CALN1: variants seen among roughly 807,000 people sequenced by gnomAD.
CALN1 encodes calcium-binding protein 8.
Under a neutral mutation model 30.6 loss-of-function variants are expected in CALN1, and 17 were observed. The observed-to-expected ratio is 0.56, with a 90% confidence interval of 0.38 to 0.83. The LOEUF is 0.83. CALN1 is among the 40% of genes least tolerant of loss of function. CALN1 has a pLI of 0.00. For synonymous variants in CALN1, 156 were observed against 131.4 expected, an observed-to-expected ratio of 1.19 and a Z score of -1.28; for missense variants, 291 against 354.9, an observed-to-expected ratio of 0.82 and a Z score of 1.45.
At chr7:72,373,333 T>C (rs957907374) in intron 2 of CALN1, among the ~76,000 whole-genome samples, 6 of 152,096 alleles carry the variant, frequency 3.9e-5, no homozygotes, top group Non-Finnish European at 8.8e-5. Flanking sequence ...GCAGAAAAAA[T>C]ATTTTAAGAC....
intron 5 of CALN1, among the ~76,000 whole-genome samples, chr7:71,992,788 T>A (rs546278199): frequency 6.6e-6 from 1 of 152,326 alleles, no homozygotes; most frequent in East Asian, 1.9e-4. Flanking sequence ...AGCCGAAATA[T>A]CGTTATTAAA....
At chr7:72,294,750 TAATA>T (rs58274123) in intron 2 of CALN1, among the ~76,000 whole-genome samples, 41,991 of 147,904 alleles carry the variant, frequency 0.28, 6,972 homozygotes, top group Non-Finnish European at 0.37. Context: ...TCTAAAAAAG[TAATA>T]AATAAATAAA....
chr7:72,006,731 G>C (rs974588999), intron 5 of CALN1, among the ~76,000 whole-genome samples: 4 of 152,248 alleles, frequency 2.6e-5, no homozygotes, highest in African/African-American at 9.6e-5. Flanking sequence ...TGGTAATCAT[G>C]GATGCATAAT....
chr7:72,069,495 C>A (rs527879987), intron 4 of CALN1, among the ~76,000 whole-genome samples: 1 of 148,738 alleles, frequency 6.7e-6, no homozygotes, highest in African/African-American at 2.4e-5. Flanking sequence ...TTGCCTCTTC[C>A]AGCTTGTGGT....
chr7:72,025,320 T>A (rs879355797), intron 4 of CALN1, among the ~76,000 whole-genome samples: 12 of 150,316 alleles, frequency 8.0e-5, no homozygotes, highest in African/African-American at 2.0e-4. Context: ...AAAAAAATAA[T>A]AATAATAAAA....
chr7:72,044,034 AC>A (rs1485673884), intron 4 of CALN1, among the ~76,000 whole-genome samples: 1 of 149,864 alleles, frequency 6.7e-6, no homozygotes, highest in African/African-American at 2.5e-5. Flanking sequence ...AAGTCCCCCC[AC>A]CCCCACCATG....
At chr7:71,884,056 G>C (rs1043823321) in intron 5 of CALN1, among the ~76,000 whole-genome samples, 1 of 152,086 alleles carries the variant, frequency 6.6e-6, no homozygotes, top group Non-Finnish European at 1.5e-5. Context: ...TGGGACTACA[G>C]GTGTGCGCCA....
intron 2 of CALN1, among the ~76,000 whole-genome samples, chr7:72,302,345 C>T (rs1199219454): frequency 6.6e-6 from 1 of 152,124 alleles, no homozygotes; most frequent in Admixed American, 6.5e-5. Flanking sequence ...AAGGAACGGA[C>T]AACGTTTTAA....
At chr7:72,082,147 G>A (rs181300994) in intron 4 of CALN1, among the ~76,000 whole-genome samples, 227 of 152,132 alleles carry the variant, frequency 1.5e-3, no homozygotes, top group African/African-American at 5.2e-3. Flanking sequence ...CCACCGGGCC[G>A]GCTAATTTTT....
At chr7:72,361,928 A>G (rs1250309291) in intron 2 of CALN1, among the ~76,000 whole-genome samples, 1 of 144,346 alleles carries the variant, frequency 6.9e-6, no homozygotes, top group Non-Finnish European at 1.6e-5. Context: ...AAAAGATTTT[A>G]AGATCATATG....
At position 71,925,590 on chromosome 7, in the gene CALN1, A is replaced by T. The variant is rs909241139; in HGVS notation, c.501+98067T>A. ...TTAATTTTAAAAATAATTCATTTTT[A>T]AAATATTTTCCTTTAATTTTAAAAA... On this transcript the variant is annotated intron_variant, in intron 5 of 6. Coordinates refer to ENST00000395275, the MANE Select transcript of CALN1 (RefSeq NM_031468.4). 2.0e-5 allele frequency among the ~76,000 whole-genome samples: 3 copies of T among 151,980 alleles called. No individual in the cohort carries two copies. In the East Asian group the frequency reaches 5.8e-4, roughly 29 times the overall value.
At chr7:72,110,044 G>C (rs372167128) in intron 3 of CALN1, among the ~76,000 whole-genome samples, 6 of 152,306 alleles carry the variant, frequency 3.9e-5, no homozygotes, top group South Asian at 2.1e-4. Flanking sequence ...TCTCCGGAAG[G>C]CTCCTTCCCA....
intron 3 of CALN1, among the ~76,000 whole-genome samples, chr7:72,244,236 T>G (rs920777700): frequency 6.6e-6 from 1 of 152,232 alleles, no homozygotes; most frequent in Admixed American, 6.5e-5. Flanking sequence ...GCCTGGCATA[T>G]AGCAGATGTT....
intron 6 of CALN1, among the ~76,000 whole-genome samples, chr7:71,805,637 C>A (rs1562794829): frequency 6.6e-6 from 1 of 152,154 alleles, no homozygotes; most frequent in Non-Finnish European, 1.5e-5. Context: ...TTGACACACA[C>A]TCAGTGTTGA....
At chr7:71,941,927 G>A (rs1348037920) in intron 5 of CALN1, among the ~76,000 whole-genome samples, 2 of 152,140 alleles carry the variant, frequency 1.3e-5, no homozygotes, top group Admixed American at 6.6e-5. Context: ...GGCTGGGCCC[G>A]GTAGCTCACG....
At chr7:71,809,897 G>T (rs1787843608) in intron 6 of CALN1, among the ~76,000 whole-genome samples, 1 of 151,968 alleles carries the variant, frequency 6.6e-6, no homozygotes, top group African/African-American at 2.4e-5. Context: ...TGCGAAGTAG[G>T]TGTAATCATC....
At chr7:72,181,096 A>ACCCCCCCCCCC (rs199527098) in intron 3 of CALN1, among the ~76,000 whole-genome samples, 3 of 74,618 alleles carry the variant, frequency 4.0e-5, no homozygotes, top group Non-Finnish European at 5.3e-5. Context: ...AAACTGCATA[A>ACCCCCCCCCCC]CCCCCCCCCC....
chr7:72,113,024 G>A (rs1254868259), intron 3 of CALN1, among the ~76,000 whole-genome samples: 3 of 152,238 alleles, frequency 2.0e-5, no homozygotes, highest in South Asian at 4.2e-4. Context: ...CTGGCTGCCC[G>A]GTGGGTGGAG....
At chr7:71,795,477 T>A (rs1786843247) in intron 6 of CALN1, among the ~76,000 whole-genome samples, 2 of 152,206 alleles carry the variant, frequency 1.3e-5, no homozygotes, top group Non-Finnish European at 2.9e-5. Flanking sequence ...TAAGATATAG[T>A]TCACATACCA....
Sources: gnomAD v4.1 joint callset for allele counts (sites outside exome capture counted in the v4.1 genomes callset) on GRCh38, gnomAD v4.1.1 for gene constraint, MANE v1.5 for transcripts, NCBI Gene and HGNC (gene_info 2026-07-23, HGNC 2026-07-21) for gene names.